SEC61A2: variants seen among roughly 807,000 people sequenced by gnomAD.
SEC61A2 encodes protein transport protein Sec61 subunit alpha isoform 2.
A neutral mutation model predicts 59.9 loss-of-function variants in SEC61A2; 28 were observed. The observed-to-expected ratio is 0.47, with a 90% CI of 0.35 to 0.64. The LOEUF is 0.64. Among genes scored for constraint, SEC61A2 ranks in the 30% least tolerant of loss-of-function variants. The probability of loss-of-function intolerance (pLI) is 0.01; values close to 1 mark genes in which losing one functional copy is unlikely to be tolerated. For missense variants in SEC61A2, 340 were observed against 585.9 expected (o/e 0.58, Z 4.33); for synonymous variants, 202 against 214.4 (o/e 0.94, Z 0.50).
chr10:12,150,508 A>C (rs1834246993), intron 6 of SEC61A2, among the ~76,000 whole-genome samples: 1 of 152,262 alleles, frequency 6.6e-6, no homozygotes, highest in Non-Finnish European at 1.5e-5. Flanking sequence ...TAGAAGGGCA[A>C]GCTAGATGAT....
intron 9 of SEC61A2, among the ~76,000 whole-genome samples, chr10:12,159,633 T>C (rs2399783): frequency 0.35 from 53,111 of 152,034 alleles, 9,728 homozygotes; most frequent in East Asian, 0.42. Context: ...GAAGGTACAG[T>C]GAGCTGTGAT....
At position 12,156,924 on chromosome 10, in the gene SEC61A2, G is replaced by A. The variant is rs780922329; in HGVS notation, c.634G>A (p.Ala212Thr). 1.2e-6 allele frequency: 2 copies of A among 1,613,822 alleles called. No homozygotes were observed. Among genetic ancestry groups the A allele is most frequent in the South Asian group, 1.1e-5 (1 of 91,054 alleles). ...NTGRGTEFEG[A>T]VIALFHLLAT... ...TTTTACAGGTACTGAGTTTGAGGGT[G>A]CAGTCATAGCTCTGTTCCATTTGTT... The change falls in exon 8 of 12, where the codon GCA becomes ACA. Residue 212 changes from alanine (A) to threonine (T), a missense_variant. Ala to Thr is a moderately conservative substitution (Grantham distance 58, BLOSUM62 0). Coordinates refer to ENST00000298428, the MANE Select transcript of SEC61A2 (RefSeq NM_018144.4). The surrounding 1 kb of genome is among the most constrained non-coding windows in gnomAD (Gnocchi z 5.2).
Position 12,165,382 on chromosome 10 carries a change from A to C in SEC61A2, c.*928A>C. 1.0e-6 allele frequency: 1 copy of C among 968,540 alleles called. No homozygotes were observed. Among genetic ancestry groups the C allele is most frequent in the Non-Finnish European group, 1.2e-6 (1 of 814,698 alleles). The allele number at this position is 968,540 out of a possible 1,614,324, so 60.0% of individuals were successfully genotyped here. On this transcript the variant is annotated 3_prime_UTR_variant, in exon 12 of 12. Transcript: ENST00000298428. ...AAGAAAACTGATTCAGTTGTGTTGG[A>C]AAAAATAAAGAAATCTGATATTAAA...
Position 12,164,157 on chromosome 10 carries a change from A to T in SEC61A2, c.1245-111A>T, listed in dbSNP as rs997785938. On this transcript the variant is annotated intron_variant, in intron 11 of 11. Coordinates refer to ENST00000298428, the MANE Select transcript of SEC61A2 (RefSeq NM_018144.4). This position sits in a 1 kb window ranked among gnomAD's most constrained non-coding sequence, Gnocchi z 7.3. ...CTGCAGCCTGTTCCCTCTGGAGTTCAGGGAGGCTTTAGACCCAGCTATGGC... is the reference window on the plus strand; with the variant it reads ...CTGCAGCCTGTTCCCTCTGGAGTTCTGGGAGGCTTTAGACCCAGCTATGGC... 5.6e-6 allele frequency: 7 copies of T among 1,243,634 alleles called. No homozygotes were observed. In the African/African-American group the frequency reaches 9.2e-5, roughly 16 times the overall value. The allele number at this position is 1,243,634 out of a possible 1,614,324, so 77.0% of individuals were successfully genotyped here.
intron 6 of SEC61A2, among the ~76,000 whole-genome samples, chr10:12,151,169 CTTAAG>C (rs1834263429): frequency 6.6e-6 from 1 of 151,228 alleles, no homozygotes. Context: ...ACAGATCATA[CTTAAG>C]TTATCTTTCT....
rs964132645 is a variant in SEC61A2, at chr10:12,158,226, A to G, written c.975+121A>G. 23 of 791,598 alleles carry G rather than the reference A, an allele frequency of 2.9e-5. No homozygotes were observed. The African/African-American group carries it at 3.5e-4, about 12-fold the overall frequency. The allele number at this position is 791,598 out of a possible 1,614,324, so 49.0% of individuals were successfully genotyped here. ...GCTGTATTTTCAGATTCACTTACCT[A>G]TATAGCAGAGTTTAGTACTTATCTG... On this transcript the variant is annotated intron_variant, in intron 9 of 11. Coordinates refer to ENST00000298428, the MANE Select transcript of SEC61A2 (RefSeq NM_018144.4). The surrounding 1 kb of genome is among the most constrained non-coding windows in gnomAD (Gnocchi z 5.7).
chr10:12,131,842 C>T (rs1833747196), intron 1 of SEC61A2, among the ~76,000 whole-genome samples: 1 of 132,710 alleles, frequency 7.5e-6, no homozygotes, highest in African/African-American at 2.8e-5. Flanking sequence ...AGGGGCCCGC[C>T]ACCACGCCCT....
rs1834634565 is a variant in SEC61A2 at position 12,165,075 on chromosome 10, T to C, written c.*621T>C. 1.0e-6 allele frequency: 1 copy of C among 987,356 alleles called. No individual in the cohort carries two copies. The highest frequency in any genetic ancestry group is 1.2e-6 in the Non-Finnish European group (1 of 830,710). 61.2% of individuals were successfully genotyped at this position (987,356 alleles called of 1,614,324 possible). On this transcript the variant is annotated 3_prime_UTR_variant, in exon 12 of 12. Coordinates refer to ENST00000298428, the MANE Select transcript of SEC61A2 (RefSeq NM_018144.4). ...TCCTCCTCCTCTTCCTCTTCCTCCT[T>C]TTCCTTCTCCTCCTCCTCTCTTCCC...
In SEC61A2 at chr10:12,162,437, CA is replaced by C; in HGVS notation, c.1244+149del. On this transcript the variant is annotated intron_variant, in intron 11 of 11. Transcript: ENST00000298428. The surrounding 1 kb of genome is among the most constrained non-coding windows in gnomAD (Gnocchi z 6.1). Reference sequence around the variant, plus strand: ...AAAATTTCACACAAAACTTGTTTTCCATGTCAAAACCAACACCTGAATTTTT... The same window carrying C: ...AAAATTTCACACAAAACTTGTTTTCCTGTCAAAACCAACACCTGAATTTTT... 1.2e-6 allele frequency: 1 copy of C among 804,324 alleles called. No individual in the cohort carries two copies. 49.8% of individuals were successfully genotyped at this position (804,324 alleles called of 1,614,324 possible). A position where few individuals can be genotyped will look rare whatever the true frequency, so the allele number is the denominator to read the frequency against.
downstream of SEC61A2, chr10:12,167,469 A>G (rs1393423657): frequency 2.3e-6 from 1 of 443,298 alleles, no homozygotes; most frequent in Non-Finnish European, 4.0e-6. Context: ...AAATTGGAGT[A>G]AACATACTTG....
chr10:12,168,125 A>T (rs1379940062), downstream of SEC61A2, among the ~76,000 whole-genome samples: 2 of 152,010 alleles, frequency 1.3e-5, no homozygotes, highest in African/African-American at 4.8e-5. The surrounding 1 kb of genome is among the most constrained non-coding windows in gnomAD (Gnocchi z 4.8). Context: ...CCTGGGTTTA[A>T]GCGATTCTCC....
At position 12,162,208 on chromosome 10, in the gene SEC61A2, G is replaced by A. The variant is rs780057732; in HGVS notation, c.1168-5G>A. On this transcript the variant is annotated splice_region_variant and splice_polypyrimidine_tract_variant and intron_variant, in intron 10 of 11. Coordinates refer to ENST00000298428, the MANE Select transcript of SEC61A2 (RefSeq NM_018144.4). This position sits in a 1 kb window ranked among gnomAD's most constrained non-coding sequence, Gnocchi z 6.1. The stretch of plus-strand genomic sequence containing the variant: ...GGATTTTGAAAGTCGTTTTTCTCTC[G>A]GCAGGTAGCTAAACAGCTGAAAGAA... The A allele has an allele frequency of 1.2e-6, 2 of 1,612,478 alleles. No individual in the cohort carries two copies. Among genetic ancestry groups the A allele is most frequent in the Non-Finnish European group, 8.5e-7 (1 of 1,179,076 alleles).
At position 12,156,898 on chromosome 10, in the gene SEC61A2, A is replaced by C. The variant is rs758619176; in HGVS notation, c.617-9A>C. The C allele has an allele frequency of 3.7e-6, 6 of 1,612,818 alleles. No individual in the cohort carries two copies. ...GAGTCCACAGGTCGTGTCTGTCTTG[A>C]TTTTACAGGTACTGAGTTTGAGGGT... On this transcript the variant is annotated splice_polypyrimidine_tract_variant and intron_variant, in intron 7 of 11. Transcript: ENST00000298428. This position sits in a 1 kb window ranked among gnomAD's most constrained non-coding sequence, Gnocchi z 5.2.
intron 2 of SEC61A2, 132 bp downstream of exon 2, chr10:12,133,440 A>G (rs1833810963): frequency 2.0e-6 from 1 of 488,956 alleles, no homozygotes; most frequent in African/African-American, 2.0e-5. Context: ...CCTCCTTGCA[A>G]GAGGCACAAA....
At position 12,152,666 on chromosome 10, in the gene SEC61A2, G is replaced by A. The variant is rs1001659078; in HGVS notation, c.462+2705G>A. ...TCCCAGCACTTTGGGAGGCTGAGGC[G>A]GGCGGATCACGAGGTCAGGAGATCG... On this transcript the variant is annotated intron_variant, in intron 6 of 11. Transcript: ENST00000298428. The surrounding 1 kb of genome is among the most constrained non-coding windows in gnomAD (Gnocchi z 5.5). Among the ~76,000 whole-genome samples the A allele has an allele frequency of 6.6e-5, 10 of 151,768 alleles. No homozygotes were observed. Among genetic ancestry groups the A allele is most frequent in the Admixed American group, 1.3e-4 (2 of 15,228 alleles).
At chr10:12,140,149 G>T (rs1833983466) in intron 3 of SEC61A2, among the ~76,000 whole-genome samples, 1 of 152,128 alleles carries the variant, frequency 6.6e-6, no homozygotes, top group Non-Finnish European at 1.5e-5. Flanking sequence ...ATGTTCCAGT[G>T]AGAGGTTTCT....
At chr10:12,157,294 A>G (rs1834420545) in intron 8 of SEC61A2, among the ~76,000 whole-genome samples, 1 of 152,078 alleles carries the variant, frequency 6.6e-6, no homozygotes, top group Non-Finnish European at 1.5e-5. Context: ...CAGACTCTCG[A>G]CAGTTTAAAA....
chr10:12,139,421 G>A (rs990126961), intron 3 of SEC61A2, among the ~76,000 whole-genome samples: 5 of 150,050 alleles, frequency 3.3e-5, no homozygotes, highest in African/African-American at 7.3e-5. Context: ...AGGCTGAGGC[G>A]GGTGAATCAC....
At chr10:12,133,329 A>G in intron 2 of SEC61A2, 21 bp downstream of exon 2, 1 of 1,281,182 alleles carries the variant, frequency 7.8e-7, no homozygotes, top group East Asian at 2.3e-5. Context: ...TATTTTAGTA[A>G]TATAGAGGGT....
Sources: allele counts gnomAD v4.1 joint callset (sites outside exome capture counted in the v4.1 genomes callset), GRCh38; gene constraint gnomAD v4.1.1; non-coding constraint Gnocchi (gnomAD v3.1); transcripts MANE v1.5; gene names NCBI Gene and HGNC (gene_info 2026-07-23, HGNC 2026-07-21).